Variants in DDX10 observed in about 807,000 individuals in gnomAD.
The protein encoded by DDX10 is probable ATP-dependent RNA helicase DDX10.
In DDX10, 74 loss-of-function variants were observed where a neutral mutation model predicts 104.3. That is an observed-to-expected ratio of 0.71 (90% CI 0.59 to 0.86). DDX10 has a LOEUF of 0.86. Ranked by LOEUF, DDX10 falls within the 40% of genes least tolerant of loss-of-function variation. DDX10 has a pLI of 0.00. For missense variants in DDX10, 952 were observed against 1,040.0 expected, an observed-to-expected ratio of 0.92 and a Z score of 1.16; for synonymous variants, 351 against 353.4, an observed-to-expected ratio of 0.99 and a Z score of 0.08.
chr11:108,910,546 G>A (rs1863655924), intron 16 of DDX10, among the ~76,000 whole-genome samples: 1 of 152,134 alleles, frequency 6.6e-6, no homozygotes, highest in Non-Finnish European at 1.5e-5. Context: ...TGACCTACTT[G>A]TAAATGAGTT....
intron 14 of DDX10, among the ~76,000 whole-genome samples, chr11:108,839,473 A>G (rs568408152): frequency 1.3e-5 from 2 of 152,308 alleles, no homozygotes; most frequent in Non-Finnish European, 2.9e-5. Context: ...CAGCACCTAG[A>G]AAGGTACCTA....
chr11:108,852,096 A>G, intron 15 of DDX10, 57 bp from the exon 16 acceptor site: 1 of 1,298,140 alleles, frequency 7.7e-7, no homozygotes, highest in South Asian at 1.3e-5. Flanking sequence ...ATGAATGTGT[A>G]GTCTGTTTTA....
intron 13 of DDX10, among the ~76,000 whole-genome samples, chr11:108,796,306 G>A (rs1057346757): frequency 4.0e-4 from 61 of 152,138 alleles, no homozygotes; most frequent in African/African-American, 1.4e-3. Flanking sequence ...TTTTTGTTCC[G>A]TGATGACAAA....
chr11:108,683,075 C>T (rs145654407), intron 6 of DDX10, among the ~76,000 whole-genome samples: 1 of 152,198 alleles, frequency 6.6e-6, no homozygotes, highest in African/African-American at 2.4e-5. Context: ...TCTGGTTTGT[C>T]CTGAGACTTG....
At chr11:108,813,667 A>G (rs1473098674) in intron 13 of DDX10, among the ~76,000 whole-genome samples, 2 of 152,150 alleles carry the variant, frequency 1.3e-5, no homozygotes, top group African/African-American at 4.8e-5. Context: ...TTATAAAAGA[A>G]TAAACCCTGG....
In DDX10 at chr11:108,780,044, T is replaced by C. The variant is rs2134537955; in HGVS notation, c.1965+56582T>C. On this transcript the variant is annotated intron_variant, in intron 13 of 17. Transcript: ENST00000322536. ...AAAGGATAAGAAAATCTATCCTTAA[T>C]GGTTGATCAAGGATTAAACTATAAA... 1.3e-5 allele frequency among the ~76,000 whole-genome samples: 2 copies of C among 152,338 alleles called. 1 individual carries two copies. The highest frequency in any genetic ancestry group is 4.8e-5 in the African/African-American group (2 of 41,582).
rs71050884 is a variant in DDX10 at position 108,728,504 on chromosome 11, C to CTTTTTT, written c.1965+5064_1965+5069dup. Among the ~76,000 whole-genome samples, 117 of 121,800 alleles carry CTTTTTT rather than the reference C, an allele frequency of 9.6e-4. 16 individuals are homozygous for CTTTTTT. The highest frequency in any genetic ancestry group is 4.4e-3 in the African/African-American group (108 of 24,418). The allele number at this position is 121,800 out of a possible 152,430, so 79.9% of individuals were successfully genotyped here. On this transcript the variant is annotated intron_variant, in intron 13 of 17. Transcript: ENST00000322536. ...TTTTAAGTATACATACACATTTGTTCTTTTTTTTTTTTTTTTTTTTTTTTT... is the reference window on the plus strand; with the variant it reads ...TTTTAAGTATACATACACATTTGTTCTTTTTTTTTTTTTTTTTTTTTTTTTTTTTTT...
At chr11:108,823,519 C>G (rs1862353731) in intron 13 of DDX10, among the ~76,000 whole-genome samples, 1 of 152,102 alleles carries the variant, frequency 6.6e-6, no homozygotes. Context: ...AATATTGTGT[C>G]AAAAATGGTA....
At chr11:108,806,361 A>T (rs945536393) in intron 13 of DDX10, among the ~76,000 whole-genome samples, 3 of 152,208 alleles carry the variant, frequency 2.0e-5, no homozygotes, top group African/African-American at 7.2e-5. Flanking sequence ...TGATACTGTG[A>T]TAGAGACATG....
chr11:108,743,193 G>A lies in DDX10; in HGVS notation c.1965+19731G>A, dbSNP rs1591806918. ...AAGCAGATCTGCCACAATCAAGTAGGCTTTATCCCTGGGATACAAGGTTGG... is the reference window on the plus strand; with the variant it reads ...AAGCAGATCTGCCACAATCAAGTAGACTTTATCCCTGGGATACAAGGTTGG... On this transcript the variant is annotated intron_variant, in intron 13 of 17. Coordinates refer to ENST00000322536, the MANE Select transcript of DDX10 (RefSeq NM_004398.4). Among the ~76,000 whole-genome samples, 3 of 152,216 alleles carry A rather than the reference G, an allele frequency of 2.0e-5. No homozygotes were observed. The South Asian group carries it at 6.2e-4, about 32-fold the overall frequency.
intron 6 of DDX10, among the ~76,000 whole-genome samples, chr11:108,688,255 A>G (rs1386331863): frequency 6.6e-6 from 1 of 152,190 alleles, no homozygotes; most frequent in East Asian, 1.9e-4. Context: ...CAAAGAGTAA[A>G]TGCATGTATA....
At chr11:108,674,432 A>G (rs1276016090) in intron 2 of DDX10, among the ~76,000 whole-genome samples, 1 of 152,164 alleles carries the variant, frequency 6.6e-6, no homozygotes, top group Non-Finnish European at 1.5e-5. Flanking sequence ...GAACTCTTAA[A>G]ATCTACTTAG....
intron 1 of DDX10, among the ~76,000 whole-genome samples, chr11:108,672,004 T>C (rs1157858608): frequency 7.6e-6 from 1 of 131,920 alleles, no homozygotes; most frequent in Non-Finnish European, 1.5e-5. Context: ...GAGCTTGCAG[T>C]GAGCCAAGTT....
At chr11:108,922,567 C>G (rs1352088938) in intron 17 of DDX10, among the ~76,000 whole-genome samples, 3 of 152,210 alleles carry the variant, frequency 2.0e-5, no homozygotes, top group African/African-American at 4.8e-5. Flanking sequence ...AGTTCCCCCT[C>G]AGGGAGGGCT....
chr11:108,796,039 T>C (rs1861936684), intron 13 of DDX10, among the ~76,000 whole-genome samples: 1 of 152,236 alleles, frequency 6.6e-6, no homozygotes, highest in Admixed American at 6.5e-5. Flanking sequence ...ATTCAGCAGT[T>C]TATACCTTTC....
At chr11:108,814,265 T>TA (rs1162018529) in intron 13 of DDX10, among the ~76,000 whole-genome samples, 1 of 152,216 alleles carries the variant, frequency 6.6e-6, no homozygotes, top group Non-Finnish European at 1.5e-5. Flanking sequence ...ATTTTTTAGA[T>TA]AAAGATTATT....
intron 5 of DDX10, 58 bp downstream of exon 5, chr11:108,678,493 C>G: frequency 1.4e-6 from 2 of 1,402,710 alleles, no homozygotes; most frequent in Non-Finnish European, 9.5e-7. Flanking sequence ...AGGAGAGAGC[C>G]CTTATACATT....
In DDX10 at chr11:108,895,133, G is replaced by A. The variant is rs181477093; in HGVS notation, c.2305-22740G>A. Among the ~76,000 whole-genome samples, 52 of 152,114 alleles carry A rather than the reference G, an allele frequency of 3.4e-4. No individual in the cohort carries two copies. The East Asian group carries it at 8.3e-3, about 24-fold the overall frequency. ...TTTGACCTGGCTAATTAACAAAAGC[G>A]CATACTAGGGCCAATCTTACAAATG... On this transcript the variant is annotated intron_variant, in intron 16 of 17. Transcript: ENST00000322536.
chr11:108,714,733 GATCCATCAGAAT>G (rs1565255925), intron 10 of DDX10, among the ~76,000 whole-genome samples: 5,126 of 152,114 alleles, frequency 0.034, 284 homozygotes, highest in African/African-American at 0.12. Flanking sequence ...GCATCAGTGG[GATCCATCAGAAT>G]CTTACTTGTA....
Sources: allele counts gnomAD v4.1 joint callset (sites outside exome capture counted in the v4.1 genomes callset), GRCh38; gene constraint gnomAD v4.1.1; transcripts MANE v1.5; gene names NCBI Gene and HGNC (gene_info 2026-07-23, HGNC 2026-07-21).